Variants in PELI2 observed in about 807,000 individuals in gnomAD.
The protein encoded by PELI2 is E3 ubiquitin-protein ligase pellino homolog 2.
In PELI2, 23 loss-of-function variants were observed where a neutral mutation model predicts 42.3. That is an observed-to-expected ratio of 0.54 (90% CI 0.39 to 0.77). The LOEUF (loss-of-function observed/expected upper bound fraction) is 0.77. PELI2 is among the 30% of genes least tolerant of loss of function. The pLI, the probability that PELI2 is intolerant of heterozygous loss-of-function variation, is 0.00. For synonymous variants in PELI2, 245 were observed against 212.2 expected (o/e 1.15, Z -1.34); for missense variants, 463 against 553.2 (o/e 0.84, Z 1.64).
intron 2 of PELI2, among the ~76,000 whole-genome samples, chr14:56,237,285 A>G (rs1410790897): frequency 2.6e-5 from 4 of 152,198 alleles, no homozygotes; most frequent in African/African-American, 9.7e-5. Flanking sequence ...TTCCTAAGAA[A>G]TCAATTAATT....
At chr14:56,277,854 G>A (rs1217813136) in intron 2 of PELI2, among the ~76,000 whole-genome samples, 1 of 152,224 alleles carries the variant, frequency 6.6e-6, no homozygotes, top group Non-Finnish European at 1.5e-5. Flanking sequence ...CTGCTCCCCA[G>A]ACATCTCCAG....
chr14:56,272,592 A>G (rs1011027871), intron 2 of PELI2, among the ~76,000 whole-genome samples: 4 of 152,232 alleles, frequency 2.6e-5, no homozygotes, highest in East Asian at 1.9e-4. Context: ...AAAAATGTCC[A>G]TGTGACACAC....
rs370215232 is a variant in PELI2 at position 56,118,875 on chromosome 14, C to G, written c.77+138C>G. The G allele has an allele frequency of 1.2e-4, 57 of 478,404 alleles. 4 individuals carry two copies. The highest frequency in any genetic ancestry group is 5.7e-4 in the Admixed American group (12 of 21,206). The allele number at this position is 478,404 out of a possible 1,614,324, so 29.6% of individuals were successfully genotyped here. On this transcript the variant is annotated intron_variant, in intron 1 of 5. Transcript: ENST00000267460. ...GGGCGGCAGGAGAGGCTCTCAGGGC[C>G]CGGACGGCGGCGCGGGGGCGGGATG...
chr14:56,212,506 A>G (rs139226502), intron 2 of PELI2, among the ~76,000 whole-genome samples: 16 of 152,256 alleles, frequency 1.1e-4, no homozygotes, highest in African/African-American at 3.8e-4. Flanking sequence ...GCCTGGGACC[A>G]TGGCCTGACC....
chr14:56,118,837 G>T (rs923258720), intron 1 of PELI2, 100 bp downstream of exon 1: 3 of 705,222 alleles, frequency 4.3e-6, no homozygotes, highest in Admixed American at 4.3e-5. Flanking sequence ...TTTGGGGACC[G>T]CCGGGGCGCT....
chr14:56,291,489 G>A (rs1344404533), intron 5 of PELI2, among the ~76,000 whole-genome samples: 2 of 151,964 alleles, frequency 1.3e-5, no homozygotes, highest in Non-Finnish European at 2.9e-5. Flanking sequence ...AGTGCACCAT[G>A]GCTGAATAAA....
At chr14:56,275,090 ATTCG>A (rs897725565) in intron 2 of PELI2, among the ~76,000 whole-genome samples, 9 of 131,748 alleles carry the variant, frequency 6.8e-5, no homozygotes, top group African/African-American at 1.4e-4. Context: ...TCATTCATTC[ATTCG>A]TTTGACATTC....
In PELI2 at chr14:56,197,039, ATTTTTTGT is replaced by A. The variant is rs1254087701; in HGVS notation, c.207+18578_207+18585del. ...GTGTTTAGATTTTTCTTGCATTAGA[ATTTTTTGT>A]TTATTTAATTAATATTAATTGAGCA... On this transcript the variant is annotated intron_variant, in intron 2 of 5. Transcript: ENST00000267460. This position sits in a 1 kb window ranked among gnomAD's most constrained non-coding sequence, Gnocchi z 4.9. Among the ~76,000 whole-genome samples, 1 of 151,834 alleles carries A rather than the reference ATTTTTTGT, an allele frequency of 6.6e-6. No homozygotes were observed. Among genetic ancestry groups the A allele is most frequent in the Non-Finnish European group, 1.5e-5 (1 of 67,900 alleles).
At chr14:56,256,995 T>C (rs1188589110) in intron 2 of PELI2, among the ~76,000 whole-genome samples, 1 of 152,200 alleles carries the variant, frequency 6.6e-6, no homozygotes. Context: ...TATACTGTTA[T>C]TTTTCTTTTC....
At chr14:56,168,241 GTC>G (rs1885038227) in intron 1 of PELI2, among the ~76,000 whole-genome samples, 1 of 149,192 alleles carries the variant, frequency 6.7e-6, no homozygotes, top group South Asian at 2.2e-4. Flanking sequence ...GCCAGGCTGT[GTC>G]CTTCCCTTCT....
intron 2 of PELI2, among the ~76,000 whole-genome samples, chr14:56,255,469 T>G (rs1388874121): frequency 6.6e-6 from 1 of 151,570 alleles, no homozygotes; most frequent in Non-Finnish European, 1.5e-5. Flanking sequence ...GGAAACATCA[T>G]GCACCAGGGC....
At chr14:56,286,036 TTTTA>T (rs1301595992) in intron 3 of PELI2, among the ~76,000 whole-genome samples, 3 of 152,284 alleles carry the variant, frequency 2.0e-5, no homozygotes, top group African/African-American at 7.2e-5. Context: ...AAGTACTCAT[TTTTA>T]TTGTATGTTT....
chr14:56,205,856 G>A (rs1328038310), intron 2 of PELI2, among the ~76,000 whole-genome samples: 1 of 152,106 alleles, frequency 6.6e-6, no homozygotes, highest in Admixed American at 6.5e-5. Flanking sequence ...GGGAGAAGGA[G>A]GGGAGCAATT....
intron 2 of PELI2, among the ~76,000 whole-genome samples, chr14:56,243,253 G>A (rs906940511): frequency 2.6e-5 from 4 of 152,216 alleles, no homozygotes; most frequent in Admixed American, 6.5e-5. Flanking sequence ...GATGCAGAAT[G>A]GCAGCCATCA....
chr14:56,200,832 T>A (rs1886309309), intron 2 of PELI2, among the ~76,000 whole-genome samples: 1 of 152,336 alleles, frequency 6.6e-6, no homozygotes, highest in South Asian at 2.1e-4. Flanking sequence ...ACATTTGCAT[T>A]TCAAACAAAC....
chr14:56,290,160 C>A, intron 4 of PELI2, 108 bp from the exon 5 acceptor site: 1 of 767,952 alleles, frequency 1.3e-6, no homozygotes, highest in Non-Finnish European at 2.0e-6. Context: ...GAAAATTCAT[C>A]ACCTTCCTCC....
intron 2 of PELI2, among the ~76,000 whole-genome samples, chr14:56,241,302 A>G (rs940524870): frequency 6.6e-6 from 1 of 152,230 alleles, no homozygotes; most frequent in African/African-American, 2.4e-5. Context: ...TCCCTCAAAA[A>G]GTAGAACAAT....
rs573764070 is a variant in PELI2, at chr14:56,172,184, T to A, written c.78-6151T>A. 2.6e-5 allele frequency among the ~76,000 whole-genome samples: 4 copies of A among 152,314 alleles called. No individual in the cohort carries two copies. The East Asian group carries it at 7.7e-4, about 29-fold the overall frequency. ...TGTGGGTCAGGAGTTTGGGCAGTTC[T>A]GCCCCATATGGTATCAGCTGAGGTT... is the stretch of plus-strand genomic sequence containing the variant. On this transcript the variant is annotated intron_variant, in intron 1 of 5. Coordinates refer to ENST00000267460, the MANE Select transcript of PELI2 (RefSeq NM_021255.3).
intron 2 of PELI2, among the ~76,000 whole-genome samples, chr14:56,223,812 T>A (rs1052250383): frequency 6.6e-6 from 1 of 152,246 alleles, no homozygotes; most frequent in Non-Finnish European, 1.5e-5. Context: ...AATTTAGGCA[T>A]CATTCACTCT....
Sources: allele counts gnomAD v4.1 joint callset (sites outside exome capture counted in the v4.1 genomes callset), GRCh38; gene constraint gnomAD v4.1.1; non-coding constraint Gnocchi (gnomAD v3.1); transcripts MANE v1.5; gene names NCBI Gene and HGNC (gene_info 2026-07-23, HGNC 2026-07-21).